RAB11FIP3: variants seen among roughly 807,000 people sequenced by gnomAD.
The protein encoded by RAB11FIP3 is rab11 family-interacting protein 3.
RAB11FIP3 carries 17 observed loss-of-function variants against 77.8 expected under a neutral mutation model. The ratio of observed to expected loss-of-function variants is 0.22; its 90% confidence interval spans 0.15 to 0.33. The LOEUF (loss-of-function observed/expected upper bound fraction) is 0.33. Ranked by LOEUF, RAB11FIP3 falls within the 10% of genes least tolerant of loss-of-function variation. The probability of loss-of-function intolerance (pLI) is 1.00; values close to 1 mark genes in which losing one functional copy is unlikely to be tolerated. For synonymous variants in RAB11FIP3, 437 were observed against 448.2 expected (o/e 0.98, Z 0.31); for missense variants, 1,005 against 1,011.2 (o/e 0.99, Z 0.08).
In RAB11FIP3 at chr16:482,482, C is replaced by T. The variant is rs2056064138; in HGVS notation, c.904-43C>T. The T allele has an allele frequency of 7.5e-6, 12 of 1,590,114 alleles. No homozygotes were observed. In the South Asian group the frequency reaches 8.8e-5, roughly 12 times the overall value. On this transcript the variant is annotated intron_variant, in intron 3 of 13. Coordinates refer to ENST00000262305, the MANE Select transcript of RAB11FIP3 (RefSeq NM_014700.4). ...GAGGTGTGGGGCGTTCGCAGTTCCC[C>T]TCCCAGCTTGTGCCCGCTGACTGCT...
chr16:429,568 C>T (rs923750072), intron 1 of RAB11FIP3, among the ~76,000 whole-genome samples: 2 of 150,186 alleles, frequency 1.3e-5, no homozygotes, highest in African/African-American at 2.5e-5. Context: ...GGTGTGATCT[C>T]GGCTCACTGC....
intron 1 of RAB11FIP3, among the ~76,000 whole-genome samples, chr16:453,184 C>T (rs887944662): frequency 2.0e-5 from 3 of 151,786 alleles, no homozygotes; most frequent in East Asian, 1.9e-4. Flanking sequence ...AAGTGATTCT[C>T]GTGCCTCAGC....
intron 1 of RAB11FIP3, among the ~76,000 whole-genome samples, chr16:445,966 G>GGT (rs765316985): frequency 1.7e-4 from 26 of 152,082 alleles, no homozygotes; most frequent in Non-Finnish European, 3.4e-4. Context: ...GTGAGGTGGG[G>GGT]GTAGGTGGGG....
chr16:454,151 C>T (rs543411859), intron 1 of RAB11FIP3, among the ~76,000 whole-genome samples: 1 of 152,250 alleles, frequency 6.6e-6, no homozygotes, highest in African/African-American at 2.4e-5. Context: ...GCTCACACAC[C>T]CAGTTAAAAG....
At chr16:432,038 T>A (rs1373439040) in intron 1 of RAB11FIP3, among the ~76,000 whole-genome samples, 1 of 152,122 alleles carries the variant, frequency 6.6e-6, no homozygotes, top group Non-Finnish European at 1.5e-5. Context: ...ATGATAGGCA[T>A]GAGCTATGGC....
At chr16:439,840 C>T (rs1444118185) in intron 1 of RAB11FIP3, among the ~76,000 whole-genome samples, 1 of 151,656 alleles carries the variant, frequency 6.6e-6, no homozygotes, top group Non-Finnish European at 1.5e-5. Flanking sequence ...GAGAGACAAA[C>T]AGTTGCATTC....
At chr16:494,884 CAGAGG>C (rs1377893891) in intron 5 of RAB11FIP3, among the ~76,000 whole-genome samples, 5 of 151,128 alleles carry the variant, frequency 3.3e-5, no homozygotes, top group South Asian at 2.1e-4. Context: ...GTCGAGGCTG[CAGAGG>C]TGGGAGGATC....
rs532682079 is a variant in RAB11FIP3, at chr16:503,106, T to C, written c.1395+9T>C. 6.2e-6 allele frequency: 10 copies of C among 1,600,558 alleles called. No homozygotes were observed. The highest frequency in any genetic ancestry group is 5.4e-5 in the African/African-American group (4 of 74,638). On this transcript the variant is annotated intron_variant, in intron 7 of 13. Coordinates refer to ENST00000262305, the MANE Select transcript of RAB11FIP3 (RefSeq NM_014700.4). ...AGGACATTGCTGACAAGGTAGGCCC[T>C]GGAGGGCTGGGTAGGTGGCAAGTAG... is the stretch of plus-strand genomic sequence containing the variant.
chr16:472,097 G>C lies in RAB11FIP3; in HGVS notation c.903+708G>C, dbSNP rs1178020268. The stretch of plus-strand genomic sequence containing the variant: ...AGTGGGGCTGAGCTGCTGGCCGGTA[G>C]GGCCTGGGCTTCTCATGTCAGTCCT... On this transcript the variant is annotated intron_variant, in intron 3 of 13. Coordinates refer to ENST00000262305, the MANE Select transcript of RAB11FIP3 (RefSeq NM_014700.4). This position sits in a 1 kb window ranked among gnomAD's most constrained non-coding sequence, Gnocchi z 4.1. 6.6e-6 allele frequency among the ~76,000 whole-genome samples: 1 copy of C among 152,244 alleles called. No individual in the cohort carries two copies. The highest frequency in any genetic ancestry group is 1.5e-5 in the Non-Finnish European group (1 of 68,044).
intron 1 of RAB11FIP3, among the ~76,000 whole-genome samples, chr16:453,006 G>A (rs2055434679): frequency 1.5e-5 from 1 of 65,652 alleles, no homozygotes; most frequent in South Asian, 4.8e-4. Context: ...TGCCCGCCTC[G>A]GCCTCCCAAA....
rs995451584 is a variant in RAB11FIP3, at chr16:461,124, A to G, written c.715-280A>G. Among the ~76,000 whole-genome samples the G allele has an allele frequency of 2.5e-4, 38 of 152,296 alleles. No individual in the cohort carries two copies. Among genetic ancestry groups the G allele is most frequent in the African/African-American group, 7.9e-4 (33 of 41,568 alleles). ...AGGGCGTTGGGGTGGTTTCAGGATG[A>G]TACTGTTCAGATCATCCGGCGTTAG... is the stretch of plus-strand genomic sequence containing the variant. On this transcript the variant is annotated intron_variant, in intron 1 of 13. Transcript: ENST00000262305. The surrounding 1 kb of genome is among the most constrained non-coding windows in gnomAD (Gnocchi z 4.5).
intron 1 of RAB11FIP3, among the ~76,000 whole-genome samples, chr16:438,404 CTT>C (rs753481865): frequency 4.2e-5 from 5 of 118,794 alleles, no homozygotes; most frequent in African/African-American, 3.3e-5. Flanking sequence ...CTGCGTCCGG[CTT>C]TTTTTTTTTT....
rs535165976 is a variant in RAB11FIP3 at position 461,303 on chromosome 16, C to G, written c.715-101C>G. On this transcript the variant is annotated intron_variant, in intron 1 of 13. Coordinates refer to ENST00000262305, the MANE Select transcript of RAB11FIP3 (RefSeq NM_014700.4). This position sits in a 1 kb window ranked among gnomAD's most constrained non-coding sequence, Gnocchi z 4.5. Reference sequence around the variant, plus strand: ...TCACCTCCTGCTGTGCTTCCCCGTTCCCAGCAGGCCACACACCAGATCTCT... The same window carrying G: ...TCACCTCCTGCTGTGCTTCCCCGTTGCCAGCAGGCCACACACCAGATCTCT... The G allele has an allele frequency of 1.4e-5, 12 of 832,620 alleles. No individual in the cohort carries two copies. Among genetic ancestry groups the G allele is most frequent in the Admixed American group, 2.6e-5 (1 of 38,774 alleles). The allele number at this position is 832,620 out of a possible 1,614,324, so 51.6% of individuals were successfully genotyped here.
At chr16:474,961 CATT>C (rs3837776) in intron 3 of RAB11FIP3, 126,703 of 1,550,826 alleles carry the variant, frequency 0.082, 6,077 homozygotes, top group East Asian at 0.23. Context: ...AGGAAGGTGA[CATT>C]GTTGTTTGAG....
intron 1 of RAB11FIP3, chr16:453,586 G>GTTTTTTTT (rs766526904): frequency 3.7e-5 from 4 of 107,320 alleles, no homozygotes; most frequent in Admixed American, 9.3e-5. Flanking sequence ...TAGGAAGTTG[G>GTTTTTTTT]TTTTTTTTTT....
chr16:521,136 T>C lies in RAB11FIP3; in HGVS notation c.*297T>C, dbSNP rs1043199293. On this transcript the variant is annotated 3_prime_UTR_variant, in exon 14 of 14. Coordinates refer to ENST00000262305, the MANE Select transcript of RAB11FIP3 (RefSeq NM_014700.4). ...CCGGGGGCCCAGAGCTTCCCAGCCC[T>C]GAGTCAAGCTGGCCATGAACGCGTA... 1 of 483,258 alleles carries C rather than the reference T, an allele frequency of 2.1e-6. No homozygotes were observed. Among genetic ancestry groups the C allele is most frequent in the Non-Finnish European group, 3.8e-6 (1 of 264,506 alleles). The allele number at this position is 483,258 out of a possible 1,614,324, so 29.9% of individuals were successfully genotyped here.
intron 2 of RAB11FIP3, among the ~76,000 whole-genome samples, chr16:462,170 C>G (rs1217045818): frequency 2.6e-5 from 4 of 152,226 alleles, no homozygotes; most frequent in Admixed American, 6.5e-5. Context: ...AGTGCCTTCC[C>G]TCCTGCTGGC....
rs188073484 is a variant in RAB11FIP3 at position 461,941 on chromosome 16, C to T, written c.808+444C>T. The stretch of plus-strand genomic sequence containing the variant: ...TGTGTTTGTAATCAGCATGCTTCCG[C>T]GCACACCGCCCTGAACACTGCAGCC... On this transcript the variant is annotated intron_variant, in intron 2 of 13. Transcript: ENST00000262305. The surrounding 1 kb of genome is among the most constrained non-coding windows in gnomAD (Gnocchi z 4.5). Among the ~76,000 whole-genome samples the T allele has an allele frequency of 5.9e-5, 9 of 152,312 alleles. No homozygotes were observed. Among genetic ancestry groups the T allele is most frequent in the Admixed American group, 3.3e-4 (5 of 15,298 alleles).
chr16:489,073 T>G (rs1430523520), intron 5 of RAB11FIP3, 73 bp downstream of exon 5: 1 of 1,488,122 alleles, frequency 6.7e-7, no homozygotes, highest in Admixed American at 2.1e-5. Context: ...TTTCCCTTTT[T>G]GGTTCGTGCA....
Sources: gnomAD v4.1 joint callset for allele counts (sites outside exome capture counted in the v4.1 genomes callset) on GRCh38, gnomAD v4.1.1 for gene constraint, Gnocchi (gnomAD v3.1) non-coding constraint, MANE v1.5 for transcripts, NCBI Gene and HGNC (gene_info 2026-07-23, HGNC 2026-07-21) for gene names.